ZSCAN20: variants seen among roughly 807,000 people sequenced by gnomAD.
The protein encoded by ZSCAN20 is zinc finger and SCAN domain-containing protein 20.
ZSCAN20 carries 39 observed loss-of-function variants against 97.1 expected under a neutral mutation model. The ratio of observed to expected loss-of-function variants is 0.40; its 90% CI spans 0.31 to 0.52. ZSCAN20 has a LOEUF of 0.52. Ranked by LOEUF, ZSCAN20 falls within the 20% of genes least tolerant of loss-of-function variation. The pLI is 0.49. For synonymous variants in ZSCAN20, 456 were observed against 467.3 expected (o/e 0.98, Z 0.31); for missense variants, 1,115 against 1,290.4 (o/e 0.86, Z 2.08).
intron 2 of ZSCAN20, among the ~76,000 whole-genome samples, chr1:33,481,666 G>A (rs1048372446): frequency 6.6e-6 from 1 of 152,026 alleles, no homozygotes; most frequent in African/African-American, 2.4e-5. Context: ...TTAATAATGG[G>A]ATGAAATATA....
Position 33,493,164 on chromosome 1 carries a change from TC to T in ZSCAN20, c.1445-22del. On this transcript the variant is annotated intron_variant, in intron 6 of 7. Coordinates refer to ENST00000684572, the MANE Select transcript of ZSCAN20 (RefSeq NM_001377376.1). This position sits in a 1 kb window ranked among gnomAD's most constrained non-coding sequence, Gnocchi z 4.3. ...GGCACATCTCATTAAGTCTCACAGT[TC>T]TCAACTCTTCACTCCTGACAGCAGG... The T allele has an allele frequency of 6.2e-7, 1 of 1,608,622 alleles. No homozygotes were observed. Among genetic ancestry groups the T allele is most frequent in the Non-Finnish European group, 8.5e-7 (1 of 1,175,818 alleles).
intron 6 of ZSCAN20, among the ~76,000 whole-genome samples, chr1:33,492,795 AAGG>A (rs1557444722): frequency 4.3e-5 from 6 of 139,268 alleles, no homozygotes; most frequent in East Asian, 2.3e-4. Flanking sequence ...AAAAAAAAAA[AAGG>A]AGAATTTATA....
chr1:33,486,945 A>G (rs886310112), intron 2 of ZSCAN20, among the ~76,000 whole-genome samples: 3 of 152,192 alleles, frequency 2.0e-5, no homozygotes, highest in Non-Finnish European at 2.9e-5. Flanking sequence ...CAGGCCAGCC[A>G]AAAAAGTTTT....
intron 5 of ZSCAN20, among the ~76,000 whole-genome samples, chr1:33,490,685 CACACA>C (rs1279046208): frequency 1.2e-4 from 1 of 8,458 alleles, no homozygotes; most frequent in Non-Finnish European, 3.0e-4. Flanking sequence ...ACACACACAC[CACACA>C]CCCTTTTCCT....
intron 2 of ZSCAN20, among the ~76,000 whole-genome samples, chr1:33,481,532 A>G (rs576456029): frequency 1.7e-4 from 26 of 152,264 alleles, no homozygotes; most frequent in African/African-American, 5.3e-4. Context: ...GTGGTCACAA[A>G]TTTCAAAACA....
chr1:33,480,128 G>T (rs1050309547), intron 2 of ZSCAN20, among the ~76,000 whole-genome samples: 1 of 152,164 alleles, frequency 6.6e-6, no homozygotes, highest in African/African-American at 2.4e-5. Flanking sequence ...AAATCTTTCT[G>T]CATATGTGAT....
chr1:33,489,373 C>A, intron 4 of ZSCAN20, 145 bp from the exon 5 acceptor site: 2 of 1,000,718 alleles, frequency 2.0e-6, no homozygotes, highest in Non-Finnish European at 1.5e-6. Flanking sequence ...ATGTATGTAC[C>A]AAATGGCCAT....
At chr1:33,478,087 C>G (rs564633156) in intron 1 of ZSCAN20, among the ~76,000 whole-genome samples, 1 of 152,024 alleles carries the variant, frequency 6.6e-6, no homozygotes, top group Admixed American at 6.5e-5. Context: ...GGTAAAGAGA[C>G]GAGTTGGAGA....
In ZSCAN20 at chr1:33,493,459, G is replaced by A. The variant is rs377407197; in HGVS notation, c.1717G>A (p.Ala573Thr). ...ACTGGACTCGCTGATGAGGGCTCGG[G>A]CTGCAGTCAGGGCCATGGGGACTGT... The part of the protein sequence containing the change: ...EELDSLMRAR[A>T]AVRAMGTVRE... Residue 573 changes from alanine to threonine, a missense_variant, in exon 7 of 8, where the codon GCT becomes ACT. By Grantham distance (58) the Ala-to-Thr change is moderately conservative. Coordinates refer to ENST00000684572, the MANE Select transcript of ZSCAN20 (RefSeq NM_001377376.1). The surrounding 1 kb of genome is among the most constrained non-coding windows in gnomAD (Gnocchi z 4.3). 3.7e-6 allele frequency: 6 copies of A among 1,614,212 alleles called. No individual in the cohort carries two copies. Among genetic ancestry groups the A allele is most frequent in the Non-Finnish European group, 5.1e-6 (6 of 1,180,032 alleles).
Position 33,500,642 on chromosome 1 carries a change from T to C in ZSCAN20, c.*5166T>C, listed in dbSNP as rs1339420891. On this transcript the variant is annotated 3_prime_UTR_variant, in exon 8 of 8. Coordinates refer to ENST00000684572, the MANE Select transcript of ZSCAN20 (RefSeq NM_001377376.1). Reference sequence around the variant, plus strand: ...GCTTCTGATCATGCCTGCTATTACATGATACTTATTTCTAAAGTCACTTTT... The same window carrying C: ...GCTTCTGATCATGCCTGCTATTACACGATACTTATTTCTAAAGTCACTTTT... Among the ~76,000 whole-genome samples, 1 of 150,464 alleles carries C rather than the reference T, an allele frequency of 6.6e-6. No individual in the cohort carries two copies. Among genetic ancestry groups the C allele is most frequent in the Non-Finnish European group, 1.5e-5 (1 of 67,882 alleles).
intron 1 of ZSCAN20, among the ~76,000 whole-genome samples, chr1:33,472,958 T>G (rs1194182626): frequency 3.3e-5 from 5 of 151,700 alleles, no homozygotes; most frequent in Non-Finnish European, 7.4e-5. Context: ...AGGGAGGTTT[T>G]GGAGGTGGGA....
chr1:33,494,714 G>A lies in ZSCAN20; in HGVS notation c.2370G>A (p.Gly790=), dbSNP rs1557447061. The stretch of plus-strand genomic sequence containing the variant: ...TCACTCACCAGAGAATTCACACGGG[G>A]GAAAAGCCCTATAAATGTGGAGAAT... ...NLITHQRIHT[G]EKPYKCGECW... The change falls in exon 8 of 8, where the codon GGG becomes GGA. Residue 790 remains glycine (G), a synonymous_variant. Transcript: ENST00000684572. 6.2e-7 allele frequency: 1 copy of A among 1,613,718 alleles called. No individual in the cohort carries two copies. Among genetic ancestry groups the A allele is most frequent in the Non-Finnish European group, 8.5e-7 (1 of 1,179,920 alleles).
chr1:33,491,494 G>T lies in ZSCAN20; in HGVS notation c.1236G>T (p.Arg412=), dbSNP rs766197951. The part of the protein sequence containing the change: ...YEELEALVRA[R]TAIRATDGPG... Reference sequence around the variant, plus strand: ...AGCTGGAGGCCCTGGTCAGGGCTCGGACAGCCATCAGAGCCACAGATGGCC... The same window carrying T: ...AGCTGGAGGCCCTGGTCAGGGCTCGTACAGCCATCAGAGCCACAGATGGCC... Residue 412 remains arginine, a synonymous_variant, in exon 6 of 8, where the codon CGG becomes CGT. Coordinates refer to ENST00000684572, the MANE Select transcript of ZSCAN20 (RefSeq NM_001377376.1). The surrounding 1 kb of genome is among the most constrained non-coding windows in gnomAD (Gnocchi z 4.3). 1.2e-5 allele frequency: 19 copies of T among 1,613,972 alleles called. No homozygotes were observed. In the African/African-American group the frequency reaches 2.5e-4, roughly 22 times the overall value.
At chr1:33,480,130 A>G (rs1652096677) in intron 2 of ZSCAN20, among the ~76,000 whole-genome samples, 2 of 152,222 alleles carry the variant, frequency 1.3e-5, no homozygotes, top group South Asian at 4.1e-4. Context: ...ATCTTTCTGC[A>G]TATGTGATGT....
At chr1:33,473,199 C>G (rs1163230186) in intron 1 of ZSCAN20, among the ~76,000 whole-genome samples, 3 of 152,264 alleles carry the variant, frequency 2.0e-5, no homozygotes, top group Non-Finnish European at 4.4e-5. Flanking sequence ...GCACTTCTTT[C>G]CTTATGTCTT....
intron 2 of ZSCAN20, among the ~76,000 whole-genome samples, chr1:33,483,140 A>T (rs181617359): frequency 6.6e-6 from 1 of 152,052 alleles, no homozygotes; most frequent in Non-Finnish European, 1.5e-5. Flanking sequence ...TCATTGCTAT[A>T]CCTGACATTA....
intron 1 of ZSCAN20, among the ~76,000 whole-genome samples, chr1:33,478,222 G>A (rs1652007953): frequency 6.6e-6 from 1 of 152,156 alleles, no homozygotes; most frequent in Admixed American, 6.5e-5. Flanking sequence ...AGCAGAGGTT[G>A]GGGTGAGGTG....
Position 33,497,678 on chromosome 1 carries a change from A to G in ZSCAN20, c.*2202A>G, listed in dbSNP as rs1023485810. Among the ~76,000 whole-genome samples the G allele has an allele frequency of 6.6e-6, 1 of 152,024 alleles. No individual in the cohort carries two copies. The highest frequency in any genetic ancestry group is 2.4e-5 in the African/African-American group (1 of 41,436). Reference sequence around the variant, plus strand: ...GGGACACTGTTGTGGTATTTCAGCTAAAGGCTAGGGTCTGAACTAGAGCAG... The same window carrying G: ...GGGACACTGTTGTGGTATTTCAGCTGAAGGCTAGGGTCTGAACTAGAGCAG... On this transcript the variant is annotated 3_prime_UTR_variant, in exon 8 of 8. Coordinates refer to ENST00000684572, the MANE Select transcript of ZSCAN20 (RefSeq NM_001377376.1).
At chr1:33,486,250 C>T (rs11799773) in intron 2 of ZSCAN20, among the ~76,000 whole-genome samples, 2,597 of 152,134 alleles carry the variant, frequency 0.017, 80 homozygotes, top group African/African-American at 0.059. Flanking sequence ...AAAAATGTGC[C>T]CCTGCTCAGT....
Sources: gnomAD v4.1 joint callset for allele counts (sites outside exome capture counted in the v4.1 genomes callset) on GRCh38, gnomAD v4.1.1 for gene constraint, Gnocchi (gnomAD v3.1) non-coding constraint, MANE v1.5 for transcripts, NCBI Gene and HGNC (gene_info 2026-07-23, HGNC 2026-07-21) for gene names.